The following ASCC1 variants were observed in gnomAD, a reference collection of about 807,000 sequenced individuals.
ASCC1 encodes ASC-1 complex subunit P50.
In ASCC1, 35 loss-of-function variants were observed where a neutral mutation model predicts 46.6. The ratio of observed to expected loss-of-function variants is 0.75; its 90% CI spans 0.57 to 0.99. The LOEUF (loss-of-function observed/expected upper bound fraction) is 0.99, where lower values mean the gene tolerates loss of function less well. ASCC1 is among the 50% of genes least tolerant of loss of function. The pLI is 0.00. For synonymous variants in ASCC1, 143 were observed against 146.6 expected, an observed-to-expected ratio of 0.98 and a Z score of 0.18; for missense variants, 376 against 428.7, an observed-to-expected ratio of 0.88 and a Z score of 1.09.
intron 2 of ASCC1, among the ~76,000 whole-genome samples, chr10:72,211,196 G>A (rs1858049324): frequency 6.6e-6 from 1 of 152,254 alleles, no homozygotes; most frequent in African/African-American, 2.4e-5. Flanking sequence ...GAGACAGAGA[G>A]ACCACATTCA....
chr10:72,210,114 T>C (rs933880543), intron 3 of ASCC1, among the ~76,000 whole-genome samples: 1 of 151,936 alleles, frequency 6.6e-6, no homozygotes, highest in Non-Finnish European at 1.5e-5. Context: ...GCTGGTGCCA[T>C]GCTTGTACTG....
intron 7 of ASCC1, among the ~76,000 whole-genome samples, chr10:72,151,716 G>T (rs542790505): frequency 6.6e-6 from 1 of 151,102 alleles, no homozygotes; most frequent in East Asian, 1.9e-4. Flanking sequence ...TTTAGACGGA[G>T]TCTCGCTCTG....
intron 7 of ASCC1, among the ~76,000 whole-genome samples, chr10:72,151,093 T>C (rs1017104792): frequency 5.9e-5 from 9 of 152,230 alleles, no homozygotes; most frequent in Admixed American, 5.9e-4. Flanking sequence ...ATCCCATTAC[T>C]GGGTATACAC....
chr10:72,107,109 G>C (rs1842420440), intron 9 of ASCC1, among the ~76,000 whole-genome samples: 1 of 151,842 alleles, frequency 6.6e-6, no homozygotes, highest in African/African-American at 2.4e-5. Flanking sequence ...TCATAAAAGA[G>C]GCATGTAGGT....
chr10:72,122,667 A>C (rs2132156815), intron 9 of ASCC1, among the ~76,000 whole-genome samples: 1 of 151,524 alleles, frequency 6.6e-6, no homozygotes, highest in South Asian at 2.1e-4. Context: ...AGTCTCAGCT[A>C]CTTGGGAGGC....
chr10:72,190,475 C>G, intron 5 of ASCC1: 2 of 1,598,758 alleles, frequency 1.3e-6, no homozygotes, highest in East Asian at 2.2e-5. Flanking sequence ...CCGAAAGAGC[C>G]GTGGCCTTGG....
intron 5 of ASCC1, among the ~76,000 whole-genome samples, chr10:72,169,715 T>C (rs1850815545): frequency 6.6e-6 from 1 of 152,036 alleles, no homozygotes; most frequent in Admixed American, 6.5e-5. Context: ...AAACATAAAA[T>C]AAACAAGTAT....
chr10:72,137,143 T>A (rs2132351712), intron 7 of ASCC1, among the ~76,000 whole-genome samples: 1 of 152,148 alleles, frequency 6.6e-6, no homozygotes, highest in African/African-American at 2.4e-5. Flanking sequence ...CTTGAACTCC[T>A]GGCCTCAAGC....
chr10:72,201,894 T>A (rs1856553033), intron 4 of ASCC1, among the ~76,000 whole-genome samples: 1 of 150,868 alleles, frequency 6.6e-6, no homozygotes, highest in Non-Finnish European at 1.5e-5. Flanking sequence ...GCTGTGATCA[T>A]GCCACTACAC....
rs140281362 is a variant in ASCC1 at position 72,135,354 on chromosome 10, G to A, written c.747-2173C>T. 5.9e-5 allele frequency among the ~76,000 whole-genome samples: 9 copies of A among 152,292 alleles called. No homozygotes were observed. In the East Asian group the frequency reaches 1.7e-3, roughly 29 times the overall value. ...CAGAGAGGGAGTAGAGTGTGAATGG[G>A]GGTGGGGGCACTATGTTAAGTAGAG... is the stretch of plus-strand genomic sequence containing the variant. On this transcript the variant is annotated intron_variant, in intron 7 of 9. Transcript: ENST00000672957.
At chr10:72,193,157 A>T (rs918531418) in intron 5 of ASCC1, among the ~76,000 whole-genome samples, 13 of 152,306 alleles carry the variant, frequency 8.5e-5, no homozygotes, top group African/African-American at 3.1e-4. Context: ...AGAAATGAAA[A>T]CTTAGGTTCG....
At chr10:72,098,327 T>C (rs983020176) in intron 9 of ASCC1, among the ~76,000 whole-genome samples, 1 of 152,238 alleles carries the variant, frequency 6.6e-6, no homozygotes. Flanking sequence ...TAGGAATTGC[T>C]CTTTCTTAAA....
intron 7 of ASCC1, among the ~76,000 whole-genome samples, chr10:72,145,771 A>G (rs1202296152): frequency 6.6e-6 from 1 of 152,170 alleles, no homozygotes; most frequent in African/African-American, 2.4e-5. Context: ...TGTAAACTAC[A>G]CTGGAGCAAT....
intron 3 of ASCC1, among the ~76,000 whole-genome samples, chr10:72,207,697 T>C (rs1240106451): frequency 6.6e-6 from 1 of 152,304 alleles, no homozygotes; most frequent in African/African-American, 2.4e-5. Context: ...GCATGAGACA[T>C]AACCCATGGA....
intron 7 of ASCC1, among the ~76,000 whole-genome samples, chr10:72,149,432 C>T (rs1242533884): frequency 5.5e-5 from 6 of 109,070 alleles, no homozygotes; most frequent in African/African-American, 2.5e-4. Flanking sequence ...AGCGAGACTC[C>T]GTCACAAAAA....
rs1845820214 is a variant in ASCC1, at chr10:72,133,335, C to CATGAGTCTG, written c.747-155_747-154insCAGACTCAT. The CATGAGTCTG allele has an allele frequency of 4.2e-6, 3 of 711,734 alleles. No individual in the cohort carries two copies. In the Admixed American group the frequency reaches 6.5e-5, roughly 15 times the overall value. The allele number at this position is 711,734 out of a possible 1,614,324, so 44.1% of individuals were successfully genotyped here. A position where few individuals can be genotyped will look rare whatever the true frequency, so the allele number is the denominator to read the frequency against. ...GAAGAATAAGAGACTCATCTCCCAC[C>CATGAGTCTG]ATCATGGAGCTAAAGATCAGTCTTG... On this transcript the variant is annotated intron_variant, in intron 7 of 9. Transcript: ENST00000672957.
At chr10:72,112,224 A>G (rs982320522) in intron 9 of ASCC1, among the ~76,000 whole-genome samples, 4 of 152,234 alleles carry the variant, frequency 2.6e-5, no homozygotes, top group Non-Finnish European at 4.4e-5. Context: ...ATATATGTAC[A>G]ATGGAATAAT....
intron 5 of ASCC1, among the ~76,000 whole-genome samples, chr10:72,180,222 T>C (rs1179641874): frequency 1.3e-5 from 2 of 151,508 alleles, no homozygotes; most frequent in Non-Finnish European, 2.9e-5. Context: ...GAGGTTGCAG[T>C]AAGCCAAGGT....
At position 72,146,160 on chromosome 10, in the gene ASCC1, G is replaced by A. The variant is rs116248783; in HGVS notation, c.746+6709C>T. ...GCCCATCCGTGGGCAGAGGTGTCCT[G>A]CCCTTCCCGACAGCCCTGGCATCTC... is the stretch of plus-strand genomic sequence containing the variant. On this transcript the variant is annotated intron_variant, in intron 7 of 9. Coordinates refer to ENST00000672957, the MANE Select transcript of ASCC1 (RefSeq NM_001198800.3). Among the ~76,000 whole-genome samples, 1,338 of 152,322 alleles carry A rather than the reference G, an allele frequency of 8.8e-3. 16 individuals are homozygous for A. Among genetic ancestry groups the A allele is most frequent in the African/African-American group, 0.031 (1,269 of 41,564 alleles).
Sources: allele counts gnomAD v4.1 joint callset (sites outside exome capture counted in the v4.1 genomes callset), GRCh38; gene constraint gnomAD v4.1.1; transcripts MANE v1.5; gene names NCBI Gene and HGNC (gene_info 2026-07-23, HGNC 2026-07-21).